The following KCND3 variants were observed in gnomAD, a reference collection of about 807,000 sequenced individuals.
KCND3 encodes A-type voltage-gated potassium channel KCND3.
A neutral mutation model predicts 51.1 loss-of-function variants in KCND3; 9 were observed. The observed-to-expected ratio is 0.18, with a 90% CI of 0.11 to 0.31. KCND3 has a LOEUF of 0.31. KCND3 is among the 10% of genes least tolerant of loss of function. The pLI is 1.00. For synonymous variants in KCND3, 349 were observed against 368.0 expected, an observed-to-expected ratio of 0.95 and a Z score of 0.59; for missense variants, 526 against 903.8, an observed-to-expected ratio of 0.58 and a Z score of 5.36.
chr1:111,919,218 G>C (rs1671364910), intron 2 of KCND3, among the ~76,000 whole-genome samples: 1 of 150,108 alleles, frequency 6.7e-6, no homozygotes. Context: ...TGGGGAGACA[G>C]ACAGTAAACA....
intron 2 of KCND3, among the ~76,000 whole-genome samples, chr1:111,905,561 T>TA (rs1262207569): frequency 6.6e-6 from 1 of 152,190 alleles, no homozygotes; most frequent in Non-Finnish European, 1.5e-5. Flanking sequence ...GGGACAATCT[T>TA]AAATGCAGAT....
At chr1:111,873,970 T>A (rs1668941405) in intron 2 of KCND3, among the ~76,000 whole-genome samples, 1 of 152,186 alleles carries the variant, frequency 6.6e-6, no homozygotes, top group East Asian at 1.9e-4. Flanking sequence ...AACACTCGAT[T>A]ATACCCAGGT....
In KCND3 at chr1:111,982,636, G is replaced by C; in HGVS notation, c.91C>G (p.Pro31Ala). ...TCCTGCCGCTTGTTCTTGTCGGCCG[G>C]GGCCAGGGGCATGGGGCAGTTGGCC... ...PVANCPMPLA[P>A]ADKNKRQDEL... The change falls in exon 2 of 8, where the codon CCG becomes GCG. Residue 31 changes from proline to alanine, a missense_variant. Pro to Ala is a conservative substitution (Grantham distance 27). Transcript: ENST00000302127. The surrounding 1 kb of genome is among the most constrained non-coding windows in gnomAD (Gnocchi z 8.5). 1 of 1,613,746 alleles carries C rather than the reference G, an allele frequency of 6.2e-7. No homozygotes were observed. Among genetic ancestry groups the C allele is most frequent in the Non-Finnish European group, 8.5e-7 (1 of 1,179,910 alleles).
chr1:111,786,880 C>A, intron 3 of KCND3, 64 bp downstream of exon 3: 12 of 1,594,622 alleles, frequency 7.5e-6, no homozygotes, highest in Non-Finnish European at 1.0e-5. Flanking sequence ...CTAGTCCTGG[C>A]TCCCTGACTG....
intron 2 of KCND3, among the ~76,000 whole-genome samples, chr1:111,803,495 TC>T (rs906239902): frequency 2.6e-5 from 4 of 152,076 alleles, no homozygotes; most frequent in South Asian, 2.1e-4. Context: ...TGTGTAAAAT[TC>T]CTCACAGACA....
At chr1:111,919,450 G>A (rs1671374545) in intron 2 of KCND3, among the ~76,000 whole-genome samples, 1 of 152,046 alleles carries the variant, frequency 6.6e-6, no homozygotes, top group Admixed American at 6.5e-5. Flanking sequence ...GGAAGCAGAA[G>A]AAACAGCTGG....
intron 2 of KCND3, among the ~76,000 whole-genome samples, chr1:111,790,968 A>G (rs1410719684): frequency 6.6e-6 from 1 of 152,236 alleles, no homozygotes; most frequent in Non-Finnish European, 1.5e-5. Context: ...TAATTCACTC[A>G]TCAGTTGATG....
chr1:111,967,568 T>A (rs572090027), intron 2 of KCND3, among the ~76,000 whole-genome samples: 4 of 152,204 alleles, frequency 2.6e-5, no homozygotes, highest in Admixed American at 6.5e-5. Flanking sequence ...CTCCCAGGCC[T>A]CTCTGCAGAC....
At chr1:111,815,323 A>G (rs779065048) in intron 2 of KCND3, among the ~76,000 whole-genome samples, 4 of 151,260 alleles carry the variant, frequency 2.6e-5, no homozygotes, top group Non-Finnish European at 4.4e-5. Context: ...CTCCTTCTTC[A>G]TCAGTCACTT....
intron 2 of KCND3, among the ~76,000 whole-genome samples, chr1:111,861,500 A>C (rs524759): frequency 0.12 from 18,653 of 152,202 alleles, 1,545 homozygotes; most frequent in East Asian, 0.41. Context: ...TTCATTTTGT[A>C]GATAAGAAAA....
intron 2 of KCND3, among the ~76,000 whole-genome samples, chr1:111,862,454 A>G (rs1668376632): frequency 6.6e-6 from 1 of 152,226 alleles, no homozygotes; most frequent in Non-Finnish European, 1.5e-5. Context: ...ACTGTAAACT[A>G]TGCAATGGGG....
chr1:111,898,733 G>T (rs1473732992), intron 2 of KCND3, among the ~76,000 whole-genome samples: 1 of 152,188 alleles, frequency 6.6e-6, no homozygotes, highest in Non-Finnish European at 1.5e-5. Context: ...GACAGAAAGA[G>T]GGGAAACAGC....
At chr1:111,840,404 G>A (rs763815585) in intron 2 of KCND3, among the ~76,000 whole-genome samples, 9 of 151,882 alleles carry the variant, frequency 5.9e-5, no homozygotes, top group Non-Finnish European at 1.0e-4. Flanking sequence ...CATTCTTTGC[G>A]TCTTCATTGG....
In KCND3 at chr1:111,786,963, T is replaced by C; in HGVS notation, c.1250A>G (p.Asp417Gly). 1 of 1,614,216 alleles carries C rather than the reference T, an allele frequency of 6.2e-7. No individual in the cohort carries two copies. Among genetic ancestry groups the C allele is most frequent in the Non-Finnish European group, 8.5e-7 (1 of 1,180,044 alleles). ...GCTTACCTTTTGTGCCCTGCGTTTA[T>C]CAGCTCTCTGATTCTGGTGGTAAAT... ...SRIYHQNQRA[D>G]KRRAQKKARL... The change falls in exon 3 of 8, where the codon GAT (aspartate) becomes GGT (glycine). Residue 417 changes from aspartate (D) to glycine (G), a missense_variant. Physicochemically the swap from Asp to Gly is moderately conservative, Grantham distance 94. Around this residue, in one of 5 missense-constraint regions of KCND3, gnomAD observed 48 missense variants for 228.5 expected, o/e 0.21. Transcript: ENST00000302127.
At chr1:111,989,373 T>A (rs1003714870) in intron 1 of KCND3, among the ~76,000 whole-genome samples, 132 bp downstream of exon 1, 64 of 151,858 alleles carry the variant, frequency 4.2e-4, no homozygotes, top group Admixed American at 9.2e-4. Context: ...CCCCAATCCT[T>A]CCGGCGCCCC....
At chr1:111,912,955 G>A (rs1671034024) in intron 2 of KCND3, among the ~76,000 whole-genome samples, 1 of 152,134 alleles carries the variant, frequency 6.6e-6, no homozygotes, top group South Asian at 2.1e-4. Context: ...TTGTAGTATA[G>A]CCTAAGTGTA....
chr1:111,918,769 G>A (rs573143980), intron 2 of KCND3, among the ~76,000 whole-genome samples: 1 of 152,176 alleles, frequency 6.6e-6, no homozygotes, highest in Non-Finnish European at 1.5e-5. Context: ...CCAGGCTGGA[G>A]GCAGGGAATG....
intron 2 of KCND3, among the ~76,000 whole-genome samples, chr1:111,915,570 G>A (rs1248322688): frequency 1.3e-5 from 2 of 151,980 alleles, no homozygotes; most frequent in Non-Finnish European, 2.9e-5. Context: ...GGCTAACATG[G>A]TGAAACCCCG....
intron 2 of KCND3, among the ~76,000 whole-genome samples, chr1:111,851,795 C>T (rs893362709): frequency 3.3e-5 from 5 of 152,314 alleles, no homozygotes; most frequent in East Asian, 1.9e-4. Context: ...ATGAGGCGGC[C>T]GTGGCTATGG....
Sources: allele counts gnomAD v4.1 joint callset (sites outside exome capture counted in the v4.1 genomes callset), GRCh38; gene constraint gnomAD v4.1.1; regional missense constraint gnomAD v4.1.1; non-coding constraint Gnocchi (gnomAD v3.1); transcripts MANE v1.5; gene names NCBI Gene and HGNC (gene_info 2026-07-23, HGNC 2026-07-21).